ABCC8: variants seen among roughly 807,000 people sequenced by gnomAD.
The protein encoded by ABCC8 is ATP binding cassette subfamily C member 8, also known as ATP-binding cassette sub-family C member 8.
In ABCC8, 137 loss-of-function variants were observed where a neutral mutation model predicts 188.0. The observed-to-expected ratio is 0.73, with a 90% CI of 0.63 to 0.84. The LOEUF (loss-of-function observed/expected upper bound fraction) is 0.84. Ranked by LOEUF, ABCC8 falls within the 40% of genes least tolerant of loss-of-function variation. The probability of loss-of-function intolerance (pLI) is 0.00; values close to 1 mark genes in which losing one functional copy is unlikely to be tolerated. For missense variants in ABCC8, 1,750 were observed against 2,072.7 expected (o/e 0.84, Z 3.02); for synonymous variants, 797 against 846.5 (o/e 0.94, Z 1.01).
chr11:17,399,297 A>AAC (rs1554907443), intron 29 of ABCC8, among the ~76,000 whole-genome samples: 3 of 124,370 alleles, frequency 2.4e-5, no homozygotes, highest in Non-Finnish European at 3.5e-5. Flanking sequence ...AAAAAAAAAA[A>AAC]AAAAAAACAA....
chr11:17,421,557 C>T (rs1955344489), intron 16 of ABCC8, among the ~76,000 whole-genome samples: 1 of 152,156 alleles, frequency 6.6e-6, no homozygotes, highest in African/African-American at 2.4e-5. Flanking sequence ...GAATCTTTCC[C>T]AGGAGACAGA....
At chr11:17,468,359 G>A (rs1848284831) in intron 3 of ABCC8, among the ~76,000 whole-genome samples, 1 of 152,210 alleles carries the variant, frequency 6.6e-6, no homozygotes, top group African/African-American at 2.4e-5. Context: ...AGGACATAGT[G>A]TGAACAAAGT....
intron 29 of ABCC8, among the ~76,000 whole-genome samples, chr11:17,400,189 G>A (rs1231921387): frequency 6.6e-6 from 1 of 152,216 alleles, no homozygotes; most frequent in Non-Finnish European, 1.5e-5. Flanking sequence ...GGGGACTGAA[G>A]GGAGGTTCTG....
chr11:17,412,563 G>A, intron 21 of ABCC8, 103 bp downstream of exon 21: 2 of 1,448,564 alleles, frequency 1.4e-6, no homozygotes, highest in Non-Finnish European at 1.9e-6. Flanking sequence ...TACTCCTGGA[G>A]AGGGAGATTG....
At chr11:17,424,113 A>G (rs1467032513) in intron 16 of ABCC8, among the ~76,000 whole-genome samples, 1 of 152,200 alleles carries the variant, frequency 6.6e-6, no homozygotes, top group African/African-American at 2.4e-5. Context: ...GAGTTGAACA[A>G]TGAGAACACG....
rs940913003 is a variant in ABCC8 at position 17,404,030 on chromosome 11, G to T, written c.3557+482C>A. ...CGTGCATGGATCCAAAGCTCATGAG[G>T]GCAAATGTGATCCATGAGAATGGCT... On this transcript the variant is annotated intron_variant, in intron 28 of 38. Transcript: ENST00000389817. The surrounding 1 kb of genome is among the most constrained non-coding windows in gnomAD (Gnocchi z 4.7). Among the ~76,000 whole-genome samples the T allele has an allele frequency of 1.3e-5, 2 of 152,136 alleles. No individual in the cohort carries two copies. Among genetic ancestry groups the T allele is most frequent in the Non-Finnish European group, 2.9e-5 (2 of 68,018 alleles).
Position 17,408,375 on chromosome 11 carries a change from T to G in ABCC8, c.2820+17A>C. On this transcript the variant is annotated intron_variant, in intron 23 of 38. Transcript: ENST00000389817. ...GCATCCAGGGGTGGCTGCTTGGCCA[T>G]CCCTGGATATACCCACCTTCTCCAG... The G allele has an allele frequency of 3.7e-6, 6 of 1,611,446 alleles. No homozygotes were observed. The highest frequency in any genetic ancestry group is 5.1e-6 in the Non-Finnish European group (6 of 1,179,394).
At chr11:17,431,961 A>G (rs771015849) in intron 11 of ABCC8, among the ~76,000 whole-genome samples, 40 of 152,238 alleles carry the variant, frequency 2.6e-4, no homozygotes, top group Non-Finnish European at 4.9e-4. Flanking sequence ...ATTTTTTAAA[A>G]GAAAGTTTAA....
chr11:17,394,950 T>C (rs561159981), intron 36 of ABCC8: 1 of 610,446 alleles, frequency 1.6e-6, no homozygotes, highest in Non-Finnish European at 2.9e-6. Flanking sequence ...GTACCCGCTG[T>C]ACCCTGCAGG....
intron 28 of ABCC8, among the ~76,000 whole-genome samples, chr11:17,403,377 T>C (rs934973722): frequency 6.6e-6 from 1 of 152,110 alleles, no homozygotes; most frequent in Non-Finnish European, 1.5e-5. Flanking sequence ...ATCTCCAGGG[T>C]CAGACTGGGT....
intron 3 of ABCC8, among the ~76,000 whole-genome samples, chr11:17,467,083 C>CACACAT (rs972553996): frequency 6.6e-6 from 1 of 151,470 alleles, no homozygotes; most frequent in Non-Finnish European, 1.5e-5. Flanking sequence ...CACACACACA[C>CACACAT]ACAACTTCCC....
At chr11:17,460,836 G>A in intron 5 of ABCC8, 160 bp from the exon 6 acceptor site, 6 of 1,448,746 alleles carry the variant, frequency 4.1e-6, no homozygotes, top group Non-Finnish European at 5.5e-6. Flanking sequence ...GAATCAGCAA[G>A]TGCACAGTTG....
chr11:17,410,956 T>C (rs746527422), intron 21 of ABCC8, among the ~76,000 whole-genome samples: 1 of 152,196 alleles, frequency 6.6e-6, no homozygotes, highest in Non-Finnish European at 1.5e-5. Flanking sequence ...CCAGGTGCTT[T>C]ATAACCTCTC....
intron 4 of ABCC8, among the ~76,000 whole-genome samples, chr11:17,462,914 A>G (rs1007399954): frequency 6.6e-6 from 1 of 152,198 alleles, no homozygotes; most frequent in Admixed American, 6.5e-5. Flanking sequence ...CACATATGGT[A>G]TTATACTAAT....
chr11:17,428,821 G>A (rs1955716888), intron 12 of ABCC8, 151 bp from the exon 13 acceptor site: 1 of 1,409,456 alleles, frequency 7.1e-7, no homozygotes, highest in Non-Finnish European at 9.5e-7. Flanking sequence ...CAGTGGGCAT[G>A]GGGGCAGGTA....
chr11:17,450,401 T>C lies in ABCC8; in HGVS notation c.1177-1730A>G, dbSNP rs1956760408. Among the ~76,000 whole-genome samples the C allele has an allele frequency of 3.0e-5, 3 of 101,436 alleles. 1 individual carries two copies. The highest frequency in any genetic ancestry group is 1.1e-4 in the African/African-American group (3 of 27,918). 66.5% of individuals were successfully genotyped at this position (101,436 alleles called of 152,430 possible). On this transcript the variant is annotated intron_variant, in intron 7 of 38. Coordinates refer to ENST00000389817, the MANE Select transcript of ABCC8 (RefSeq NM_000352.6). ...CTTTCCTTTCCTTTCCTTCTTTCTTTCCTTTTTTTTTTTTTCAGAGTCTTG... is the reference window on the plus strand; with the variant it reads ...CTTTCCTTTCCTTTCCTTCTTTCTTCCCTTTTTTTTTTTTTCAGAGTCTTG...
At chr11:17,409,420 G>A (rs934835242) in intron 22 of ABCC8, among the ~76,000 whole-genome samples, 4 of 152,176 alleles carry the variant, frequency 2.6e-5, no homozygotes, top group Admixed American at 1.3e-4. Context: ...GCACTTCTGT[G>A]TTCCTCAGGA....
chr11:17,470,387 G>C, intron 2 of ABCC8, 165 bp from the exon 3 acceptor site: 1 of 661,590 alleles, frequency 1.5e-6, no homozygotes, highest in Non-Finnish European at 1.9e-6. Context: ...GGGCTGGGCA[G>C]AGCTGCCAGT....
intron 29 of ABCC8, 54 bp downstream of exon 29, chr11:17,402,607 C>T: frequency 1.2e-6 from 2 of 1,613,858 alleles, no homozygotes; most frequent in East Asian, 2.2e-5. Flanking sequence ...ATGGCCTGTG[C>T]CCCCTGGCCC....
Sources: allele counts gnomAD v4.1 joint callset (sites outside exome capture counted in the v4.1 genomes callset), GRCh38; gene constraint gnomAD v4.1.1; non-coding constraint Gnocchi (gnomAD v3.1); transcripts MANE v1.5; gene names NCBI Gene and HGNC (gene_info 2026-07-23, HGNC 2026-07-21).